The following KSR2 variants were observed in gnomAD, a reference collection of about 807,000 sequenced individuals.
KSR2 encodes kinase suppressor of ras 2.
KSR2 carries 25 observed loss-of-function variants against 107.8 expected under a neutral mutation model. The ratio of observed to expected loss-of-function variants is 0.23; its 90% CI spans 0.17 to 0.32. The LOEUF (loss-of-function observed/expected upper bound fraction) is 0.32, where lower values mean the gene tolerates loss of function less well. Ranked by LOEUF, KSR2 falls within the 10% of genes least tolerant of loss-of-function variation. The pLI is 1.00. For synonymous variants in KSR2, 480 were observed against 507.0 expected, an observed-to-expected ratio of 0.95 and a Z score of 0.71; for missense variants, 887 against 1,268.9, an observed-to-expected ratio of 0.70 and a Z score of 4.57.
At chr12:117,615,217 AC>A (rs1364497414) in intron 5 of KSR2, among the ~76,000 whole-genome samples, 14 of 1,320 alleles carry the variant, frequency 0.011, no homozygotes, top group Non-Finnish European at 0.014. Context: ...CTTCAGTTAC[AC>A]ACACACACAC....
intron 4 of KSR2, among the ~76,000 whole-genome samples, chr12:117,735,879 A>G (rs1352109321): frequency 6.6e-6 from 1 of 152,248 alleles, no homozygotes; most frequent in Non-Finnish European, 1.5e-5. Flanking sequence ...TATTTGCTCA[A>G]AATGACAGAA....
intron 14 of KSR2, among the ~76,000 whole-genome samples, chr12:117,507,604 C>G (rs1362457487): frequency 6.6e-6 from 1 of 152,142 alleles, no homozygotes; most frequent in Admixed American, 6.5e-5. Context: ...GGCTGGTGTC[C>G]TTCTGTCACC....
intron 4 of KSR2, among the ~76,000 whole-genome samples, chr12:117,711,851 C>T (rs971565868): frequency 2.6e-5 from 4 of 152,192 alleles, no homozygotes; most frequent in Non-Finnish European, 5.9e-5. Flanking sequence ...CCAGGGACCC[C>T]TCTGTGGTTG....
chr12:117,517,100 A>C (rs1040107737), intron 14 of KSR2, among the ~76,000 whole-genome samples: 3 of 152,224 alleles, frequency 2.0e-5, no homozygotes, highest in African/African-American at 7.2e-5. Context: ...GAAGAAGGCA[A>C]ATCCAAAAGA....
Position 117,460,311 on chromosome 12 carries a change from A to G in KSR2, c.*6888T>C, listed in dbSNP as rs924316863. The G allele has an allele frequency of 1.3e-5, 2 of 152,174 alleles. No individual in the cohort carries two copies. Among genetic ancestry groups the G allele is most frequent in the Non-Finnish European group, 2.9e-5 (2 of 68,028 alleles). The allele number at this position is 152,174 out of a possible 1,614,324, so 9.4% of individuals were successfully genotyped here. On this transcript the variant is annotated 3_prime_UTR_variant, in exon 20 of 20. Transcript: ENST00000339824. ...AGGAAATGGGAGCTGCATGATCCCA[A>G]TGAGTGGGAAGGAAGGGCCCTTTCC...
At chr12:117,703,806 G>A (rs1394321274) in intron 4 of KSR2, among the ~76,000 whole-genome samples, 1 of 152,146 alleles carries the variant, frequency 6.6e-6, no homozygotes, top group Admixed American at 6.5e-5. Flanking sequence ...TCAGGATGCT[G>A]AGAACTCCAA....
intron 1 of KSR2, among the ~76,000 whole-genome samples, chr12:117,869,309 T>C (rs1037769022): frequency 6.6e-6 from 1 of 151,602 alleles, no homozygotes; most frequent in Non-Finnish European, 1.5e-5. Context: ...GAGACGGAGG[T>C]TGCAGTGAAC....
At chr12:117,793,031 C>T (rs1216084401) in intron 3 of KSR2, among the ~76,000 whole-genome samples, 1 of 146,950 alleles carries the variant, frequency 6.8e-6, no homozygotes, top group African/African-American at 2.5e-5. Context: ...CTCACATCAA[C>T]ATGCACACAC....
chr12:117,738,575 A>G (rs1377505136), intron 4 of KSR2, among the ~76,000 whole-genome samples: 1 of 152,154 alleles, frequency 6.6e-6, no homozygotes. Context: ...AAAAAAAGAT[A>G]TTAAAGACAA....
chr12:117,885,539 A>G (rs968383106), intron 1 of KSR2, among the ~76,000 whole-genome samples: 2 of 152,032 alleles, frequency 1.3e-5, no homozygotes, highest in Non-Finnish European at 2.9e-5. Context: ...TATAATATGC[A>G]TATATTTATA....
At chr12:117,510,569 T>G (rs192616532) in intron 14 of KSR2, among the ~76,000 whole-genome samples, 1 of 152,250 alleles carries the variant, frequency 6.6e-6, no homozygotes, top group African/African-American at 2.4e-5. Context: ...TGTGATACAG[T>G]GCTAGCAGTA....
chr12:117,694,296 C>T (rs1488076004), intron 4 of KSR2, among the ~76,000 whole-genome samples: 2 of 152,138 alleles, frequency 1.3e-5, no homozygotes, highest in African/African-American at 2.4e-5. Flanking sequence ...ATACTGTTCT[C>T]GTGGTAGTGA....
chr12:117,495,463 C>T (rs1325143770), intron 14 of KSR2, among the ~76,000 whole-genome samples: 1 of 152,206 alleles, frequency 6.6e-6, no homozygotes, highest in Non-Finnish European at 1.5e-5. Flanking sequence ...CTTAACTCAA[C>T]GTGTGTCCAG....
intron 4 of KSR2, among the ~76,000 whole-genome samples, chr12:117,676,987 T>C (rs1457666788): frequency 6.6e-6 from 1 of 152,186 alleles, no homozygotes; most frequent in Non-Finnish European, 1.5e-5. Flanking sequence ...AGTCTGAGAA[T>C]GACACTGACA....
intron 5 of KSR2, among the ~76,000 whole-genome samples, chr12:117,606,437 C>A (rs1444978455): frequency 1.3e-4 from 9 of 70,078 alleles, no homozygotes; most frequent in Admixed American, 2.6e-4. Context: ...TCCTCCCTCC[C>A]TCCCCTCCTT....
rs1451873879 is a variant in KSR2, at chr12:117,907,049, A to G, written c.181-46618T>C. Among the ~76,000 whole-genome samples the G allele has an allele frequency of 6.6e-6, 1 of 152,146 alleles. No individual in the cohort carries two copies. Among genetic ancestry groups the G allele is most frequent in the East Asian group, 1.9e-4 (1 of 5,188 alleles). On this transcript the variant is annotated intron_variant, in intron 1 of 19. Transcript: ENST00000339824. The surrounding 1 kb of genome is among the most constrained non-coding windows in gnomAD (Gnocchi z 4.3). ...GATCCAAAACTCTGTATCTCTAACA[A>G]GTGCTTGTGTGATGCTTCTGCTGCT...
chr12:117,564,591 A>C (rs1253771456), intron 7 of KSR2, among the ~76,000 whole-genome samples: 1 of 152,240 alleles, frequency 6.6e-6, no homozygotes. Context: ...GCTTACGAGG[A>C]ACATCTCATT....
intron 4 of KSR2, among the ~76,000 whole-genome samples, chr12:117,744,805 G>A (rs1458605012): frequency 6.6e-6 from 1 of 152,120 alleles, no homozygotes; most frequent in Admixed American, 6.5e-5. Flanking sequence ...AGCATTGGGG[G>A]TTCTATCAGA....
intron 4 of KSR2, chr12:117,674,194 C>T (rs1885025310): frequency 1.4e-5 from 6 of 441,894 alleles, no homozygotes; most frequent in South Asian, 8.0e-5. Flanking sequence ...TAAAAGGATC[C>T]CGAGAAATCT....
Sources: allele counts gnomAD v4.1 joint callset (sites outside exome capture counted in the v4.1 genomes callset), GRCh38; gene constraint gnomAD v4.1.1; non-coding constraint Gnocchi (gnomAD v3.1); transcripts MANE v1.5; gene names NCBI Gene and HGNC (gene_info 2026-07-23, HGNC 2026-07-21).